The following NCKIPSD variants were observed in gnomAD, a reference collection of about 807,000 sequenced individuals.
NCKIPSD encodes NCK-interacting protein with SH3 domain.
In NCKIPSD, 48 loss-of-function variants were observed where a neutral mutation model predicts 73.4. The observed-to-expected ratio is 0.65, with a 90% CI of 0.52 to 0.83. NCKIPSD has a LOEUF of 0.83. Among genes scored for constraint, NCKIPSD ranks in the 40% least tolerant of loss-of-function variants. NCKIPSD has a pLI of 0.00. For missense variants in NCKIPSD, 884 were observed against 970.2 expected (o/e 0.91, Z 1.18); for synonymous variants, 422 against 403.6 (o/e 1.05, Z -0.54).
chr3:48,678,472 TG>T, intron 12 of NCKIPSD, 91 bp downstream of exon 12: 1 of 1,445,662 alleles, frequency 6.9e-7, no homozygotes, highest in Non-Finnish European at 9.2e-7. Context: ...GCAGTGGCCT[TG>T]CCCCCTCATC....
At chr3:48,675,532 T>C (rs1277999029) in intron 12 of NCKIPSD, among the ~76,000 whole-genome samples, 1 of 140,194 alleles carries the variant, frequency 7.1e-6, no homozygotes, top group African/African-American at 2.7e-5. Context: ...ATATATGATA[T>C]ATATATATAT....
chr3:48,685,839 GCAAGGGCTGCGGCGCCAC>G lies in NCKIPSD; in HGVS notation c.-50_-33del, dbSNP rs1384644438. The G allele has an allele frequency of 7.2e-7, 1 of 1,389,708 alleles. No individual in the cohort carries two copies. The highest frequency in any genetic ancestry group is 3.0e-5 in the East Asian group (1 of 33,656). 86.1% of individuals were successfully genotyped at this position (1,389,708 alleles called of 1,614,324 possible). ...GGGCAGGGCAGGTGCAGGGAAGGTG[GCAAGGGCTGCGGCGCCAC>G]AACGCCAGGCCGGGAGCGCCGAGCC... On this transcript the variant is annotated 5_prime_UTR_variant, in exon 1 of 13. Transcript: ENST00000294129.
At chr3:48,675,716 A>AT (rs888340056) in intron 12 of NCKIPSD, among the ~76,000 whole-genome samples, 3 of 150,624 alleles carry the variant, frequency 2.0e-5, no homozygotes, top group Admixed American at 6.6e-5. Context: ...TAATTTTTGT[A>AT]TTTTTTTTAA....
Position 48,681,650 on chromosome 3 carries a change from G to A in NCKIPSD, c.729C>T (p.Pro243=), listed in dbSNP as rs764017355. Residue 243 remains proline (P), a synonymous_variant, in exon 5 of 13, where the codon CCC becomes CCT. Coordinates refer to ENST00000294129, the MANE Select transcript of NCKIPSD (RefSeq NM_016453.4). ...GGGTGCCTCGGCGGGGCACAGGTGG[G>A]GGTGTGGGTGAGCAGCTGGAGCCTG... ...SEPGSSCSPT[P]PPVPRRGTHT... 2 of 1,611,490 alleles carry A rather than the reference G, an allele frequency of 1.2e-6. No homozygotes were observed. The highest frequency in any genetic ancestry group is 1.3e-5 in the African/African-American group (1 of 74,878).
chr3:48,678,581 G>A lies in NCKIPSD; in HGVS notation c.1948C>T (p.Leu650=), dbSNP rs550799052. ...CCAGGCACCTTGTCTCCTGGTGACA[G>A]GTCTGCGATGTGCCGCACAGTGATG... ...IDITVRHIAD[L]SPGDKLRMEY... is the part of the protein sequence containing the mutation. The change falls in exon 12 of 13, where the codon CTG becomes TTG. Residue 650 remains leucine, a synonymous_variant. Coordinates refer to ENST00000294129, the MANE Select transcript of NCKIPSD (RefSeq NM_016453.4). 2 of 1,612,942 alleles carry A rather than the reference G, an allele frequency of 1.2e-6. No individual in the cohort carries two copies. The highest frequency in any genetic ancestry group is 2.2e-5 in the East Asian group (1 of 44,882).
chr3:48,676,472 G>A (rs757597494), intron 12 of NCKIPSD, among the ~76,000 whole-genome samples: 2 of 152,000 alleles, frequency 1.3e-5, no homozygotes, highest in Non-Finnish European at 2.9e-5. Flanking sequence ...ACCATCATCC[G>A]TACCATTTTT....
At chr3:48,680,027 T>C (rs759734952) in intron 6 of NCKIPSD, 32 bp downstream of exon 6, 50 of 1,603,806 alleles carry the variant, frequency 3.1e-5, no homozygotes, top group Non-Finnish European at 4.0e-5. Context: ...CTGTTCCCCA[T>C]GTGGGGTATG....
In NCKIPSD at chr3:48,678,875, A is replaced by AC; in HGVS notation, c.1792+1dup. ...TACCCGCGCAGATTCCCGGGCCCTCACCCCCTCTGTTCAGGAGCAACAACA... is the reference window on the plus strand; with the variant it reads ...TACCCGCGCAGATTCCCGGGCCCTCACCCCCCTCTGTTCAGGAGCAACAACA... On this transcript the variant is annotated splice_donor_variant, in intron 11 of 12. Coordinates refer to ENST00000294129, the MANE Select transcript of NCKIPSD (RefSeq NM_016453.4). LOFTEE classifies it high-confidence loss of function. The AC allele has an allele frequency of 6.2e-7, 1 of 1,613,430 alleles. No homozygotes were observed. Among genetic ancestry groups the AC allele is most frequent in the Non-Finnish European group, 8.5e-7 (1 of 1,179,912 alleles).
In NCKIPSD at chr3:48,679,462, G is replaced by T; in HGVS notation, c.1490-5C>A. Reference sequence around the variant, plus strand: ...AGTAACAGAGTTTCTGGTGGTCTGGGGGGGACAAGGCAGGCAGTCAGAGTC... The same window carrying T: ...AGTAACAGAGTTTCTGGTGGTCTGGTGGGGACAAGGCAGGCAGTCAGAGTC... On this transcript the variant is annotated splice_region_variant and splice_polypyrimidine_tract_variant and intron_variant, in intron 8 of 12. Transcript: ENST00000294129. 6.2e-7 allele frequency: 1 copy of T among 1,611,136 alleles called. No homozygotes were observed. The highest frequency in any genetic ancestry group is 1.3e-5 in the African/African-American group (1 of 74,974).
rs776126940 is a variant in NCKIPSD at position 48,681,511 on chromosome 3, G to T, written c.868C>A (p.Leu290Met). Residue 290 changes from leucine to methionine, a missense_variant, in exon 5 of 13, where the codon CTG (leucine) becomes ATG (methionine). Physicochemically the swap from Leu to Met is conservative, Grantham distance 15. Transcript: ENST00000294129. ...TTSASDDLEA[L>M]GTLSLGTTEE... ...GTGGTCCCCAGGCTCAGTGTACCCAGGGCTTCCAGGTCATCAGAGGCTGAG... is the reference window on the plus strand; with the variant it reads ...GTGGTCCCCAGGCTCAGTGTACCCATGGCTTCCAGGTCATCAGAGGCTGAG... The T allele has an allele frequency of 6.2e-7, 1 of 1,614,166 alleles. No homozygotes were observed. The highest frequency in any genetic ancestry group is 8.5e-7 in the Non-Finnish European group (1 of 1,180,040).
intron 4 of NCKIPSD, 23 bp from the exon 5 acceptor site, chr3:48,681,803 G>A: frequency 6.8e-7 from 1 of 1,472,398 alleles, no homozygotes; most frequent in Non-Finnish European, 9.0e-7. Context: ...AGTAGAAGCT[G>A]GGCCAGGGCA....
intron 10 of NCKIPSD, 21 bp from the exon 11 acceptor site, chr3:48,678,990 A>G (rs375693229): frequency 8.7e-5 from 141 of 1,614,032 alleles, no homozygotes; most frequent in Non-Finnish European, 1.2e-4. Flanking sequence ...ACATGGGTAT[A>G]GACAGGGTGC....
chr3:48,677,705 T>C (rs865792811), intron 12 of NCKIPSD, among the ~76,000 whole-genome samples: 3 of 152,322 alleles, frequency 2.0e-5, no homozygotes, highest in East Asian at 1.9e-4. Flanking sequence ...GCTGATCGTC[T>C]TCCTCTAAAC....
intron 5 of NCKIPSD, 88 bp from the exon 6 acceptor site, chr3:48,680,317 G>T: frequency 7.1e-7 from 1 of 1,399,762 alleles, no homozygotes. Context: ...GTCCATCTGT[G>T]GACTTTTACT....
At chr3:48,680,027 T>G (rs759734952) in intron 6 of NCKIPSD, 32 bp downstream of exon 6, 1 of 1,603,924 alleles carries the variant, frequency 6.2e-7, no homozygotes, top group South Asian at 1.1e-5. Flanking sequence ...CTGTTCCCCA[T>G]GTGGGGTATG....
Position 48,680,048 on chromosome 3 carries a change from C to G in NCKIPSD, c.1263+11G>C, listed in dbSNP as rs2077325525. 1 of 1,608,176 alleles carries G rather than the reference C, an allele frequency of 6.2e-7. No homozygotes were observed. The highest frequency in any genetic ancestry group is 1.3e-5 in the African/African-American group (1 of 74,980). On this transcript the variant is annotated intron_variant, in intron 6 of 12. Transcript: ENST00000294129. ...CCCATGTGGGGTATGTGTGTGGGACCCCACCCTTACCAGAATATGCAGCAG... is the reference window on the plus strand; with the variant it reads ...CCCATGTGGGGTATGTGTGTGGGACGCCACCCTTACCAGAATATGCAGCAG...
chr3:48,682,489 T>C lies in NCKIPSD; in HGVS notation c.345A>G (p.Ala115=), dbSNP rs1243109652. 1 of 1,614,138 alleles carries C rather than the reference T, an allele frequency of 6.2e-7. No homozygotes were observed. The highest frequency in any genetic ancestry group is 1.1e-5 in the South Asian group (1 of 91,078). The change falls in exon 3 of 13, where the codon GCA becomes GCG. Residue 115 remains alanine (A), a synonymous_variant. Coordinates refer to ENST00000294129, the MANE Select transcript of NCKIPSD (RefSeq NM_016453.4). ...SRRGPSASSV[A]VMTSSTSDHH... ...GGTCACTGGTTGATGAGGTCATAAC[T>C]GCAACACTGGAGGCTGAAGGGCCTC... is the stretch of plus-strand genomic sequence containing the variant.
chr3:48,675,548 A>AT (rs1231508069), intron 12 of NCKIPSD, among the ~76,000 whole-genome samples: 55 of 94,024 alleles, frequency 5.8e-4, no homozygotes, highest in South Asian at 9.7e-4. Flanking sequence ...TATATATATC[A>AT]TTTTTTTTTT....
intron 1 of NCKIPSD, among the ~76,000 whole-genome samples, chr3:48,685,082 G>A (rs902143631): frequency 1.3e-5 from 2 of 151,118 alleles, no homozygotes; most frequent in African/African-American, 4.9e-5. Context: ...GTCCAAGTTG[G>A]GGGGTTGAGG....
Sources: gnomAD v4.1 joint callset for allele counts (sites outside exome capture counted in the v4.1 genomes callset) on GRCh38, gnomAD v4.1.1 for gene constraint, MANE v1.5 for transcripts, NCBI Gene and HGNC (gene_info 2026-07-23, HGNC 2026-07-21) for gene names.